Variants in RTN1 observed in about 807,000 individuals in gnomAD.
RTN1 encodes the protein reticulon-1.
Under a neutral mutation model 65.5 loss-of-function variants are expected in RTN1, and 25 were observed. That is an observed-to-expected ratio of 0.38 (90% CI 0.28 to 0.53). The LOEUF (loss-of-function observed/expected upper bound fraction) is 0.53, where lower values mean the gene tolerates loss of function less well. RTN1 is among the 20% of genes least tolerant of loss of function. The pLI, the probability that RTN1 is intolerant of heterozygous loss-of-function variation, is 0.79. For synonymous variants in RTN1, 471 were observed against 447.6 expected (o/e 1.05, Z -0.66); for missense variants, 983 against 1,025.4 (o/e 0.96, Z 0.57).
At chr14:59,729,766 C>T (rs772320744) in intron 2 of RTN1, among the ~76,000 whole-genome samples, 4 of 152,268 alleles carry the variant, frequency 2.6e-5, no homozygotes, top group East Asian at 1.9e-4. Context: ...TCTCTCTGCC[C>T]GCTTGGATCC....
intron 3 of RTN1, among the ~76,000 whole-genome samples, chr14:59,641,131 T>C (rs1287849696): frequency 8.6e-5 from 13 of 151,836 alleles, no homozygotes; most frequent in Non-Finnish European, 1.9e-4. Context: ...GCTAATTTTT[T>C]TGGGGGGGGT....
chr14:59,869,255 A>G (rs1449033859), intron 1 of RTN1, among the ~76,000 whole-genome samples: 1 of 151,842 alleles, frequency 6.6e-6, no homozygotes, highest in Non-Finnish European at 1.5e-5. Flanking sequence ...CTTTAAATCA[A>G]CCACCAAGAG....
chr14:59,666,804 A>G (rs1292935902), intron 3 of RTN1, among the ~76,000 whole-genome samples: 1 of 152,030 alleles, frequency 6.6e-6, no homozygotes, highest in Non-Finnish European at 1.5e-5. Context: ...ATCAGAGAAT[A>G]CTAAACACCT....
At chr14:59,729,109 G>A (rs1036169703) in intron 2 of RTN1, among the ~76,000 whole-genome samples, 2 of 152,124 alleles carry the variant, frequency 1.3e-5, no homozygotes, top group African/African-American at 4.8e-5. Context: ...CTTGAAGCAG[G>A]TGAGAGAGTG....
chr14:59,768,404 C>T (rs563513073), intron 1 of RTN1, among the ~76,000 whole-genome samples: 8 of 152,192 alleles, frequency 5.3e-5, no homozygotes, highest in East Asian at 1.9e-4. Context: ...ATCCAGTGAC[C>T]GAAATCAGGA....
chr14:59,727,732 G>T lies in RTN1; in HGVS notation c.1016-64C>A. 1 of 1,500,828 alleles carries T rather than the reference G, an allele frequency of 6.7e-7. No homozygotes were observed. 93.0% of individuals were successfully genotyped at this position (1,500,828 alleles called of 1,614,324 possible). A position where few individuals can be genotyped will look rare whatever the true frequency, so the allele number is the denominator to read the frequency against. On this transcript the variant is annotated intron_variant, in intron 2 of 8. Coordinates refer to ENST00000267484, the MANE Select transcript of RTN1 (RefSeq NM_021136.3). The surrounding 1 kb of genome is among the most constrained non-coding windows in gnomAD (Gnocchi z 4.2). ...ACACACGGACAGACAGATGGACAGA[G>T]AGAGGAGGGATAAAACAAAATTCCA...
In RTN1 at chr14:59,819,414, A is replaced by ACCCCC. The variant is rs1566737477; in HGVS notation, c.241+50971_241+50975dup. Among the ~76,000 whole-genome samples, 4 of 31,862 alleles carry ACCCCC rather than the reference A, an allele frequency of 1.3e-4. 1 individual carries two copies. The highest frequency in any genetic ancestry group is 1.2e-3 in the East Asian group (2 of 1,662). The allele number at this position is 31,862 out of a possible 152,430, so 20.9% of individuals were successfully genotyped here. A position where few individuals can be genotyped will look rare whatever the true frequency, so the allele number is the denominator to read the frequency against. ...TGATTGGTGCATCCACACCACCACCACCCCCCCCCCACCCCCCACCCCCCC... is the reference window on the plus strand; with the variant it reads ...TGATTGGTGCATCCACACCACCACCACCCCCCCCCCCCCCCACCCCCCACCCCCCC... On this transcript the variant is annotated intron_variant, in intron 1 of 8. Transcript: ENST00000267484.
chr14:59,745,568 T>C (rs1018245675), intron 2 of RTN1, 140 bp downstream of exon 2: 13 of 651,476 alleles, frequency 2.0e-5, no homozygotes, highest in Non-Finnish European at 2.7e-5. Flanking sequence ...ATTAATTAAA[T>C]TAGTTAAACT....
intron 1 of RTN1, among the ~76,000 whole-genome samples, chr14:59,793,417 T>C (rs1886384332): frequency 6.6e-6 from 1 of 152,110 alleles, no homozygotes; most frequent in East Asian, 1.9e-4. Flanking sequence ...AAATGCAACC[T>C]TTTTTTCTTA....
intron 1 of RTN1, among the ~76,000 whole-genome samples, chr14:59,748,941 C>T (rs1219074600): frequency 1.3e-5 from 2 of 151,490 alleles, no homozygotes; most frequent in Non-Finnish European, 2.9e-5. Context: ...AGGCATGTGC[C>T]ACCACACCCA....
At position 59,624,909 on chromosome 14, in the gene RTN1, C is replaced by G. The variant is rs905068477; in HGVS notation, c.1766-17417G>C. On this transcript the variant is annotated intron_variant, in intron 3 of 8. Coordinates refer to ENST00000267484, the MANE Select transcript of RTN1 (RefSeq NM_021136.3). ...AAAGTGTTATTCTGAAAGCTAACCACTGAAGGCCCAACTCATAATAGATCT... is the reference window on the plus strand; with the variant it reads ...AAAGTGTTATTCTGAAAGCTAACCAGTGAAGGCCCAACTCATAATAGATCT... Among the ~76,000 whole-genome samples the G allele has an allele frequency of 2.0e-5, 3 of 152,362 alleles. No individual in the cohort carries two copies. The South Asian group carries it at 6.2e-4, about 32-fold the overall frequency.
chr14:59,703,223 C>T (rs892726511), intron 3 of RTN1, among the ~76,000 whole-genome samples: 10 of 152,090 alleles, frequency 6.6e-5, no homozygotes, highest in Non-Finnish European at 1.3e-4. Context: ...TATATGATAT[C>T]GTTTGGGTAT....
intron 3 of RTN1, among the ~76,000 whole-genome samples, chr14:59,707,519 C>T (rs1884320376): frequency 6.6e-6 from 1 of 152,176 alleles, no homozygotes; most frequent in African/African-American, 2.4e-5. Context: ...CACTCTCTCC[C>T]CTAGTGCCTA....
At chr14:59,852,789 T>C (rs1003631427) in intron 1 of RTN1, among the ~76,000 whole-genome samples, 2 of 152,214 alleles carry the variant, frequency 1.3e-5, no homozygotes, top group Admixed American at 6.5e-5. Flanking sequence ...AGTTAGAGTA[T>C]ATTCTTGAAA....
intron 3 of RTN1, among the ~76,000 whole-genome samples, chr14:59,614,068 C>CGCCCCCACT (rs1236514508): frequency 6.6e-6 from 1 of 152,088 alleles, no homozygotes; most frequent in East Asian, 1.9e-4. Flanking sequence ...GACAAGAAAA[C>CGCCCCCACT]GCCCCCACTA....
intron 3 of RTN1, among the ~76,000 whole-genome samples, chr14:59,626,806 C>T (rs1882412477): frequency 6.6e-6 from 1 of 152,142 alleles, no homozygotes; most frequent in Non-Finnish European, 1.5e-5. Context: ...TAGGACAGCA[C>T]CTGGCACGTA....
rs913278594 is a variant in RTN1 at position 59,801,816 on chromosome 14, A to C, written c.242-55335T>G. On this transcript the variant is annotated intron_variant, in intron 1 of 8. Coordinates refer to ENST00000267484, the MANE Select transcript of RTN1 (RefSeq NM_021136.3). ...GGACTATGATAAGTTAAAGTCTTCTATACTTAGAGAAAATTCCACAATTTT... is the reference window on the plus strand; with the variant it reads ...GGACTATGATAAGTTAAAGTCTTCTCTACTTAGAGAAAATTCCACAATTTT... Among the ~76,000 whole-genome samples, 12 of 152,314 alleles carry C rather than the reference A, an allele frequency of 7.9e-5. No individual in the cohort carries two copies. In the East Asian group the frequency reaches 2.3e-3, roughly 29 times the overall value.
Position 59,870,724 on chromosome 14 carries a change from C to G in RTN1, c.-94G>C. The G allele has an allele frequency of 2.6e-5, 32 of 1,238,982 alleles. No individual in the cohort carries two copies. The highest frequency in any genetic ancestry group is 3.2e-5 in the Non-Finnish European group (32 of 986,298). The allele number at this position is 1,238,982 out of a possible 1,614,324, so 76.7% of individuals were successfully genotyped here. A position where few individuals can be genotyped will look rare whatever the true frequency, so the allele number is the denominator to read the frequency against. On this transcript the variant is annotated 5_prime_UTR_variant, in exon 1 of 9. Coordinates refer to ENST00000267484, the MANE Select transcript of RTN1 (RefSeq NM_021136.3). This position sits in a 1 kb window ranked among gnomAD's most constrained non-coding sequence, Gnocchi z 5.1. Reference sequence around the variant, plus strand: ...CCCTGCTGCTGTCCCCGGAGGGACTCGGCGCTCAGGGAAGCTGCGGTGTCT... The same window carrying G: ...CCCTGCTGCTGTCCCCGGAGGGACTGGGCGCTCAGGGAAGCTGCGGTGTCT...
At chr14:59,662,885 T>C (rs574692378) in intron 3 of RTN1, among the ~76,000 whole-genome samples, 8 of 152,182 alleles carry the variant, frequency 5.3e-5, no homozygotes, top group African/African-American at 1.7e-4. Flanking sequence ...CAAGCTACCA[T>C]TGACTTTCTT....
Sources: gnomAD v4.1 joint callset for allele counts (sites outside exome capture counted in the v4.1 genomes callset) on GRCh38, gnomAD v4.1.1 for gene constraint, Gnocchi (gnomAD v3.1) non-coding constraint, MANE v1.5 for transcripts, NCBI Gene and HGNC (gene_info 2026-07-23, HGNC 2026-07-21) for gene names.